The following AKAP19 variants were observed in gnomAD, a reference collection of about 807,000 sequenced individuals.
AKAP19 encodes A-kinase anchoring protein 19.
At chr2:189,942,804 G>A in the AKAP19 span, among the ~76,000 whole-genome samples, 2 of 152,206 alleles carry the variant, frequency 1.3e-5, no homozygotes, top group Non-Finnish European at 2.9e-5. Flanking sequence ...AGGAATCTGT[G>A]GAAGTTTGGA....
the AKAP19 span, among the ~76,000 whole-genome samples, chr2:189,988,930 T>A: frequency 6.6e-6 from 1 of 152,338 alleles, no homozygotes; most frequent in African/African-American, 2.4e-5. Flanking sequence ...CTTTGGAATA[T>A]AGACAAGGCA....
the AKAP19 span, among the ~76,000 whole-genome samples, chr2:190,102,391 G>T: frequency 1.3e-5 from 2 of 152,036 alleles, no homozygotes; most frequent in East Asian, 3.9e-4. Flanking sequence ...AAGAATCAAT[G>T]AAATCAAAAG....
chr2:190,012,258 G>A, the AKAP19 span, among the ~76,000 whole-genome samples: 1 of 151,968 alleles, frequency 6.6e-6, no homozygotes, highest in African/African-American at 2.4e-5. Context: ...CCAAGTAGCT[G>A]GGACCACAGT....
chr2:190,071,754 G>A, the AKAP19 span, among the ~76,000 whole-genome samples: 3 of 151,928 alleles, frequency 2.0e-5, no homozygotes, highest in Admixed American at 2.0e-4. Context: ...TTTATAAAGT[G>A]AACGATGGGT....
the AKAP19 span, among the ~76,000 whole-genome samples, chr2:190,182,567 T>C: frequency 2.0e-5 from 3 of 152,160 alleles, no homozygotes; most frequent in East Asian, 5.8e-4. Flanking sequence ...AGTCAGTAAA[T>C]GTTAGTTATC....
At chr2:189,932,407 CAAAAA>C in the AKAP19 span, among the ~76,000 whole-genome samples, 256 of 124,052 alleles carry the variant, frequency 2.1e-3, 2 homozygotes, top group African/African-American at 6.9e-3. Context: ...GACTCCAACT[CAAAAA>C]AAAAAAAAAA....
chr2:189,950,984 G>A, the AKAP19 span, among the ~76,000 whole-genome samples: 1 of 152,072 alleles, frequency 6.6e-6, no homozygotes, highest in African/African-American at 2.4e-5. Context: ...GGGTTGGGGT[G>A]GGGGTAGTAG....
chr2:190,201,729 T>A, the AKAP19 span: 1 of 167,046 alleles, frequency 6.0e-6, no homozygotes, highest in Non-Finnish European at 1.5e-5. Context: ...GTCCCGGGAT[T>A]TGTACTGTCC....
the AKAP19 span, among the ~76,000 whole-genome samples, chr2:190,146,338 A>G: frequency 6.6e-6 from 1 of 152,214 alleles, no homozygotes; most frequent in Admixed American, 6.5e-5. Context: ...ATGACTGCAT[A>G]GTATTCCGTC....
the AKAP19 span, among the ~76,000 whole-genome samples, chr2:190,187,018 T>C: frequency 2.0e-5 from 3 of 152,088 alleles, no homozygotes; most frequent in Non-Finnish European, 4.4e-5. Flanking sequence ...TTTTGTATCT[T>C]TAGTAGAGAT....
chr2:190,016,658 G>C, the AKAP19 span, among the ~76,000 whole-genome samples: 2 of 152,132 alleles, frequency 1.3e-5, no homozygotes, highest in African/African-American at 4.8e-5. Flanking sequence ...AAAGATGATA[G>C]GATTTCAATT....
chr2:190,166,407 A>G, the AKAP19 span, among the ~76,000 whole-genome samples: 1 of 147,738 alleles, frequency 6.8e-6, no homozygotes, highest in Non-Finnish European at 1.5e-5. Flanking sequence ...TCCAAAGACT[A>G]AAATAAATGG....
the AKAP19 span, among the ~76,000 whole-genome samples, chr2:189,972,391 A>C: frequency 2.0e-5 from 3 of 152,130 alleles, no homozygotes; most frequent in Non-Finnish European, 2.9e-5. Flanking sequence ...GTAGTCTTGT[A>C]GTATAGTTTG....
At chr2:189,918,732 A>G in the AKAP19 span, among the ~76,000 whole-genome samples, 1 of 152,212 alleles carries the variant, frequency 6.6e-6, no homozygotes, top group Non-Finnish European at 1.5e-5. Context: ...ACTATTCACA[A>G]TGGCCAAAAA....
the AKAP19 span, among the ~76,000 whole-genome samples, chr2:189,932,464 C>T: frequency 6.6e-6 from 1 of 151,578 alleles, no homozygotes; most frequent in Non-Finnish European, 1.5e-5. Flanking sequence ...CTCCCCCCAC[C>T]ACCACACATG....
At chr2:190,141,807 G>C in the AKAP19 span, among the ~76,000 whole-genome samples, 20 of 152,180 alleles carry the variant, frequency 1.3e-4, no homozygotes, top group Non-Finnish European at 2.6e-4. Context: ...ATGATACCCG[G>C]TTTTTGAGAG....
At chr2:189,992,112 C>A in the AKAP19 span, among the ~76,000 whole-genome samples, 1 of 148,672 alleles carries the variant, frequency 6.7e-6, no homozygotes, top group South Asian at 2.1e-4. Flanking sequence ...TGCAGTGGTG[C>A]GATCTCTGCT....
At chr2:190,009,812 CAACATT>C in the AKAP19 span, among the ~76,000 whole-genome samples, 5 of 150,728 alleles carry the variant, frequency 3.3e-5, no homozygotes, top group South Asian at 1.0e-3. Context: ...TAGGATACAC[CAACATT>C]AAGAGGATGG....
the AKAP19 span, among the ~76,000 whole-genome samples, chr2:189,982,423 T>C: frequency 6.6e-6 from 1 of 152,186 alleles, no homozygotes; most frequent in African/African-American, 2.4e-5. Flanking sequence ...TGGTTTGTAT[T>C]GGATTTAAAC....
Sources: gnomAD v4.1 joint callset for allele counts (sites outside exome capture counted in the v4.1 genomes callset) on GRCh38, gnomAD v4.1.1 for gene constraint, MANE v1.5 for transcripts, NCBI Gene and HGNC (gene_info 2026-07-23, HGNC 2026-07-21) for gene names.